Variants in CTTNBP2 observed in about 807,000 individuals in gnomAD.
CTTNBP2 encodes the protein cortactin binding protein 2, also known as cortactin-binding protein 2.
In CTTNBP2, 108 loss-of-function variants were observed where a neutral mutation model predicts 156.9. The observed-to-expected ratio is 0.69, with a 90% CI of 0.59 to 0.81. The LOEUF is 0.81. Among genes scored for constraint, CTTNBP2 ranks in the 30% least tolerant of loss-of-function variants. CTTNBP2 has a pLI of 0.00. For synonymous variants in CTTNBP2, 767 were observed against 751.8 expected, an observed-to-expected ratio of 1.02 and a Z score of -0.33; for missense variants, 1,924 against 2,035.4, an observed-to-expected ratio of 0.95 and a Z score of 1.05.
intron 12 of CTTNBP2, chr7:117,755,674 T>A: frequency 4.8e-6 from 2 of 415,236 alleles, no homozygotes; most frequent in South Asian, 1.8e-5. Flanking sequence ...AGTAAGTATT[T>A]AATGAATGCA....
intron 2 of CTTNBP2, among the ~76,000 whole-genome samples, chr7:117,847,879 T>TGTA (rs1802697727): frequency 1.5e-5 from 2 of 136,908 alleles, no homozygotes; most frequent in Non-Finnish European, 3.0e-5. Flanking sequence ...AGGGCAGTGG[T>TGTA]GTAATCTTGG....
intron 12 of CTTNBP2, among the ~76,000 whole-genome samples, chr7:117,751,356 G>T (rs1584944012): frequency 6.6e-6 from 1 of 152,202 alleles, no homozygotes; most frequent in Non-Finnish European, 1.5e-5. Flanking sequence ...AGGCCAGCTT[G>T]TGCTGACTAA....
At chr7:117,828,121 T>C (rs1801395644) in intron 2 of CTTNBP2, among the ~76,000 whole-genome samples, 1 of 152,180 alleles carries the variant, frequency 6.6e-6, no homozygotes, top group Non-Finnish European at 1.5e-5. Flanking sequence ...GGAAAAGGAA[T>C]GTCAACAGTT....
intron 4 of CTTNBP2, 24 bp downstream of exon 4, chr7:117,791,104 C>T (rs370955356): frequency 6.7e-5 from 105 of 1,578,182 alleles, no homozygotes; most frequent in Non-Finnish European, 8.1e-5. Flanking sequence ...CTTTAAAAAG[C>T]GTATAACATT....
At chr7:117,799,712 A>G (rs907275968) in intron 3 of CTTNBP2, among the ~76,000 whole-genome samples, 1 of 152,102 alleles carries the variant, frequency 6.6e-6, no homozygotes, top group East Asian at 1.9e-4. Flanking sequence ...TTGGAAAGGA[A>G]TAAGTAAAAT....
chr7:117,795,061 AT>A (rs1293613536), intron 3 of CTTNBP2, among the ~76,000 whole-genome samples: 2 of 150,054 alleles, frequency 1.3e-5, no homozygotes, highest in African/African-American at 2.4e-5. Context: ...CGCCCGGCTA[AT>A]TTTTTTTGTA....
chr7:117,717,854 G>GCAC (rs1794526641), intron 22 of CTTNBP2, among the ~76,000 whole-genome samples, 164 bp downstream of exon 22: 4 of 151,626 alleles, frequency 2.6e-5, no homozygotes, highest in Non-Finnish European at 2.9e-5. Context: ...TATTCTATAA[G>GCAC]TACTCTTTCT....
intron 12 of CTTNBP2, among the ~76,000 whole-genome samples, chr7:117,750,684 C>T (rs566549326): frequency 6.6e-6 from 1 of 152,138 alleles, no homozygotes; most frequent in East Asian, 1.9e-4. Context: ...AGAACCGGGT[C>T]GAACATGCAA....
intron 20 of CTTNBP2, 79 bp downstream of exon 20, chr7:117,720,988 A>C (rs548082158): frequency 3.3e-6 from 3 of 922,964 alleles, no homozygotes; most frequent in Non-Finnish European, 5.4e-6. Flanking sequence ...AAATGAGAAC[A>C]TGGAACATTT....
At position 117,711,787 on chromosome 7, in the gene CTTNBP2, A is replaced by G. The variant is rs1410499915; in HGVS notation, c.4747-5T>C. The stretch of plus-strand genomic sequence containing the variant: ...GCTGCTGAGAGGACTGACCTCCTGT[A>G]AGAGACAAGAAACCACACAAGTTTA... On this transcript the variant is annotated splice_polypyrimidine_tract_variant and splice_region_variant and intron_variant, in intron 22 of 22. Coordinates refer to ENST00000160373, the MANE Select transcript of CTTNBP2 (RefSeq NM_033427.3). 6.2e-7 allele frequency: 1 copy of G among 1,604,612 alleles called. No homozygotes were observed. Among genetic ancestry groups the G allele is most frequent in the Admixed American group, 1.7e-5 (1 of 59,082 alleles).
intron 2 of CTTNBP2, among the ~76,000 whole-genome samples, chr7:117,815,944 C>T (rs1554437096): frequency 6.6e-6 from 1 of 152,064 alleles, no homozygotes; most frequent in Non-Finnish European, 1.5e-5. Flanking sequence ...CAACCCACTA[C>T]AGGGCAAAAA....
chr7:117,717,631 G>C (rs1475508286), intron 22 of CTTNBP2, among the ~76,000 whole-genome samples: 3 of 151,902 alleles, frequency 2.0e-5, no homozygotes. Context: ...TAGCCCTCTA[G>C]GTTATCGGAT....
chr7:117,816,925 A>C (rs563584768), intron 2 of CTTNBP2, among the ~76,000 whole-genome samples: 1 of 152,250 alleles, frequency 6.6e-6, no homozygotes, highest in South Asian at 2.1e-4. Context: ...TATGGATCAG[A>C]ATTACTTGAG....
chr7:117,870,490 C>T (rs1021539894), intron 1 of CTTNBP2, among the ~76,000 whole-genome samples: 3 of 152,126 alleles, frequency 2.0e-5, no homozygotes, highest in African/African-American at 4.8e-5. Flanking sequence ...AAATCATTGT[C>T]CAAGTTTTTC....
intron 2 of CTTNBP2, among the ~76,000 whole-genome samples, chr7:117,816,881 A>G (rs1800607972): frequency 6.6e-6 from 1 of 152,176 alleles, no homozygotes; most frequent in Admixed American, 6.5e-5. Context: ...ACCCTAAAAA[A>G]GGAAGAGCTG....
At chr7:117,782,361 A>C (rs1035143301) in intron 6 of CTTNBP2, among the ~76,000 whole-genome samples, 2 of 152,146 alleles carry the variant, frequency 1.3e-5, no homozygotes, top group Non-Finnish European at 2.9e-5. Flanking sequence ...TTAATGCCCA[A>C]ACTACTTTCA....
intron 12 of CTTNBP2, 78 bp downstream of exon 12, chr7:117,756,477 A>T: frequency 9.0e-7 from 1 of 1,107,416 alleles, no homozygotes; most frequent in South Asian, 1.2e-5. Context: ...CTCCTCCTTT[A>T]AACATAAAAA....
Position 117,791,702 on chromosome 7 carries a change from T to C in CTTNBP2, c.1494A>G (p.Arg498=). 6.2e-7 allele frequency: 1 copy of C among 1,614,138 alleles called. No homozygotes were observed. Among genetic ancestry groups the C allele is most frequent in the Non-Finnish European group, 8.5e-7 (1 of 1,180,036 alleles). ...ARNTVTQALS[R]FTSPQAGAPS... ...GAGCACCTGCTTGAGGGCTTGTAAA[T>C]CTTGACAGTGCTTGGGTCACAGTAT... The change falls in exon 4 of 23, where the codon AGA becomes AGG. Residue 498 remains arginine (R), a synonymous_variant. Coordinates refer to ENST00000160373, the MANE Select transcript of CTTNBP2 (RefSeq NM_033427.3).
chr7:117,790,091 A>C, intron 4 of CTTNBP2, among the ~76,000 whole-genome samples: 1 of 152,202 alleles, frequency 6.6e-6, no homozygotes, highest in Admixed American at 6.5e-5. Flanking sequence ...TGTAATTATA[A>C]AAGTTCTCTC....
Sources: gnomAD v4.1 joint callset for allele counts (sites outside exome capture counted in the v4.1 genomes callset) on GRCh38, gnomAD v4.1.1 for gene constraint, MANE v1.5 for transcripts, NCBI Gene and HGNC (gene_info 2026-07-23, HGNC 2026-07-21) for gene names.